The following RLN2 variants were observed in gnomAD, a reference collection of about 807,000 sequenced individuals.
The protein encoded by RLN2 is prorelaxin H2.
RLN2 carries 10 observed loss-of-function variants against 7.3 expected under a neutral mutation model. The observed-to-expected ratio is 1.36, with a 90% CI of 0.84 to 2.31. The LOEUF is 2.31. Among genes scored for constraint, RLN2 ranks in the 30% most tolerant of loss-of-function variants. RLN2 has a pLI of 0.00. For missense variants in RLN2, 298 were observed against 217.6 expected (o/e 1.37, Z -2.32); for synonymous variants, 103 against 82.3 (o/e 1.25, Z -1.36).
chr9:5,312,928 G>C, the RLN2 span, among the ~76,000 whole-genome samples: 1 of 151,964 alleles, frequency 6.6e-6, no homozygotes, highest in East Asian at 1.9e-4. Context: ...TCATGACATT[G>C]TGGTATCAAA....
the RLN2 span, among the ~76,000 whole-genome samples, chr9:5,332,535 T>G: frequency 3.3e-5 from 5 of 151,922 alleles, no homozygotes; most frequent in African/African-American, 1.2e-4. Flanking sequence ...ATTGGATAAT[T>G]TTAAACAGAC....
chr9:5,332,393 G>T, the RLN2 span, among the ~76,000 whole-genome samples: 10 of 151,846 alleles, frequency 6.6e-5, no homozygotes, highest in Non-Finnish European at 1.2e-4. Context: ...AAATTTATAG[G>T]ACAAACCAAA....
chr9:5,301,868 T>A (rs1242413785), intron 1 of RLN2, among the ~76,000 whole-genome samples: 1 of 152,174 alleles, frequency 6.6e-6, no homozygotes, highest in African/African-American at 2.4e-5. Flanking sequence ...TCATCCTTCC[T>A]CCCAACACTC....
At chr9:5,332,094 T>A in the RLN2 span, among the ~76,000 whole-genome samples, 2 of 151,930 alleles carry the variant, frequency 1.3e-5, no homozygotes, top group Non-Finnish European at 2.9e-5. Context: ...TATATTGAAA[T>A]AATATTAAGT....
At position 5,299,954 on chromosome 9, in the gene RLN2, G is replaced by C. The variant is rs1335853008; in HGVS notation, c.*144C>G. 9 of 495,000 alleles carry C rather than the reference G, an allele frequency of 1.8e-5. No individual in the cohort carries two copies. Among genetic ancestry groups the C allele is most frequent in the East Asian group, 3.1e-5 (1 of 31,920 alleles). 30.7% of individuals were successfully genotyped at this position (495,000 alleles called of 1,614,324 possible). On this transcript the variant is annotated 3_prime_UTR_variant, in exon 2 of 2. Coordinates refer to ENST00000381627, the MANE Select transcript of RLN2 (RefSeq NM_134441.3). ...ATCTAAACATCAACAAAGATGTTTA[G>C]ATATTCTAAGAATTGATGGGACCTA...
chr9:5,314,156 C>T, the RLN2 span, among the ~76,000 whole-genome samples: 1 of 152,054 alleles, frequency 6.6e-6, no homozygotes. Flanking sequence ...CTGTGACCCA[C>T]GTGGCTACTG....
the RLN2 span, chr9:5,339,147 G>T: frequency 6.3e-6 from 1 of 159,900 alleles, no homozygotes; most frequent in Non-Finnish European, 1.1e-5. Flanking sequence ...CTGTCTGGCC[G>T]CCTGGCTTTC....
At chr9:5,313,992 A>G in the RLN2 span, among the ~76,000 whole-genome samples, 1 of 151,924 alleles carries the variant, frequency 6.6e-6, no homozygotes, top group Non-Finnish European at 1.5e-5. Context: ...AAGGTAAGGA[A>G]GAGGACCACA....
the RLN2 span, among the ~76,000 whole-genome samples, chr9:5,337,442 C>G: frequency 1.3e-5 from 2 of 151,970 alleles, no homozygotes; most frequent in Non-Finnish European, 2.9e-5. Flanking sequence ...TGAATTCATG[C>G]AAATACCCTT....
intron 1 of RLN2, among the ~76,000 whole-genome samples, chr9:5,300,763 G>A (rs773352834): frequency 6.6e-6 from 1 of 152,184 alleles, no homozygotes; most frequent in African/African-American, 2.4e-5. Context: ...AGTCATGTAA[G>A]TCACTGAAAA....
At chr9:5,316,428 C>T in the RLN2 span, among the ~76,000 whole-genome samples, 7 of 151,850 alleles carry the variant, frequency 4.6e-5, no homozygotes, top group Non-Finnish European at 1.0e-4. Flanking sequence ...TCTTCAAATG[C>T]TATCCTCCCA....
the RLN2 span, among the ~76,000 whole-genome samples, chr9:5,334,786 G>C: frequency 6.6e-6 from 1 of 152,018 alleles, no homozygotes; most frequent in Non-Finnish European, 1.5e-5. Context: ...AATTGGTTTA[G>C]TGTCCAAACT....
chr9:5,311,683 A>T, the RLN2 span: 3 of 1,290,812 alleles, frequency 2.3e-6, no homozygotes, highest in African/African-American at 4.4e-5. Context: ...CAGACCAGGC[A>T]CAGAAAGCCG....
the RLN2 span, among the ~76,000 whole-genome samples, chr9:5,322,142 C>T: frequency 3.3e-5 from 5 of 151,960 alleles, no homozygotes; most frequent in East Asian, 3.9e-4. Context: ...GACAGCAAAA[C>T]GGGAGCAGAC....
At chr9:5,335,225 A>C in the RLN2 span, 2 of 1,422,766 alleles carry the variant, frequency 1.4e-6, no homozygotes, top group Non-Finnish European at 1.9e-6. Context: ...TGAAAATTAG[A>C]CAAGATGTGC....
At chr9:5,320,916 C>G in the RLN2 span, among the ~76,000 whole-genome samples, 1 of 152,090 alleles carries the variant, frequency 6.6e-6, no homozygotes, top group African/African-American at 2.4e-5. Flanking sequence ...ATGGATAAAT[C>G]TACAACTGCA....
the RLN2 span, among the ~76,000 whole-genome samples, chr9:5,313,328 T>G: frequency 6.6e-6 from 1 of 152,162 alleles, no homozygotes; most frequent in East Asian, 1.9e-4. Context: ...ATAATGACCT[T>G]CTTTATCTCA....
At chr9:5,312,387 A>G in the RLN2 span, among the ~76,000 whole-genome samples, 1 of 152,082 alleles carries the variant, frequency 6.6e-6, no homozygotes. Flanking sequence ...GGCAGCTGTC[A>G]AAAGAGAAGT....
At chr9:5,312,787 G>C in the RLN2 span, among the ~76,000 whole-genome samples, 2 of 150,478 alleles carry the variant, frequency 1.3e-5, no homozygotes, top group African/African-American at 4.9e-5. Flanking sequence ...ATTTTCATTT[G>C]TCTAAAAATA....
Sources: gnomAD v4.1 joint callset for allele counts (sites outside exome capture counted in the v4.1 genomes callset) on GRCh38, gnomAD v4.1.1 for gene constraint, MANE v1.5 for transcripts, NCBI Gene and HGNC (gene_info 2026-07-23, HGNC 2026-07-21) for gene names.